Variants in TMEM17 observed in about 807,000 individuals in gnomAD.
The protein encoded by TMEM17 is transmembrane protein 17.
In TMEM17, 15 loss-of-function variants were observed where a neutral mutation model predicts 19.1. The ratio of observed to expected loss-of-function variants is 0.78; its 90% CI spans 0.52 to 1.21. The LOEUF (loss-of-function observed/expected upper bound fraction) is 1.21. Among genes scored for constraint, TMEM17 ranks in the 50% most tolerant of loss-of-function variants. TMEM17 has a pLI of 0.00. For missense variants in TMEM17, 245 were observed against 242.3 expected (o/e 1.01, Z -0.07); for synonymous variants, 103 against 86.9 (o/e 1.19, Z -1.03).
Position 62,502,720 on chromosome 2 carries a change from C to T in TMEM17, c.175G>A (p.Val59Met). 1.2e-6 allele frequency: 2 copies of T among 1,609,612 alleles called. No individual in the cohort carries two copies. Among genetic ancestry groups the T allele is most frequent in the South Asian group, 1.1e-5 (1 of 89,910 alleles). ...FNTYYFPLWWVSSIMMLHMKY... is the reference protein window; with the variant it reads ...FNTYYFPLWWMSSIMMLHMKY... ...ATGTGAAGCATCATAATGCTGCTCA[C>T]CCACCACAGTGGGAAATAGTAGGTA... is the stretch of plus-strand genomic sequence containing the variant. Residue 59 changes from valine (V) to methionine (M), a missense_variant, in exon 2 of 4, where the codon GTG becomes ATG. By Grantham distance (21) the Val-to-Met change is conservative. Coordinates refer to ENST00000335390, the MANE Select transcript of TMEM17 (RefSeq NM_198276.3).
At chr2:62,473,096 A>T in the TMEM17 span, among the ~76,000 whole-genome samples, 3 of 152,202 alleles carry the variant, frequency 2.0e-5, no homozygotes, top group South Asian at 6.2e-4. Context: ...CCTAGAGATG[A>T]TTTACTATCC....
At chr2:62,457,127 A>G in the TMEM17 span, among the ~76,000 whole-genome samples, 3 of 152,328 alleles carry the variant, frequency 2.0e-5, no homozygotes, top group East Asian at 5.8e-4. The surrounding 1 kb of genome is among the most constrained non-coding windows in gnomAD (Gnocchi z 4.2). Context: ...AGGGGCCAGC[A>G]TCCCCCGCGG....
the TMEM17 span, among the ~76,000 whole-genome samples, chr2:62,454,545 G>A: frequency 6.6e-6 from 1 of 152,040 alleles, no homozygotes; most frequent in Non-Finnish European, 1.5e-5. Flanking sequence ...CCCCAGGTGT[G>A]GTCTGTCACC....
the TMEM17 span, among the ~76,000 whole-genome samples, chr2:62,485,141 A>G: frequency 7.9e-5 from 12 of 152,184 alleles, no homozygotes; most frequent in Non-Finnish European, 8.8e-5. Context: ...GGGTTTCACC[A>G]TGTTGTGCAG....
chr2:62,463,394 A>C, the TMEM17 span: 1 of 152,230 alleles, frequency 6.6e-6, no homozygotes, highest in Non-Finnish European at 1.5e-5. Flanking sequence ...ATACAAAATC[A>C]CCATTAGACC....
chr2:62,494,998 G>A, the TMEM17 span, among the ~76,000 whole-genome samples: 1 of 152,182 alleles, frequency 6.6e-6, no homozygotes, highest in African/African-American at 2.4e-5. Flanking sequence ...CTGGGTGACA[G>A]AGCGAGACTC....
the TMEM17 span, among the ~76,000 whole-genome samples, chr2:62,471,407 T>C: frequency 1.3e-5 from 2 of 152,066 alleles, no homozygotes; most frequent in Non-Finnish European, 2.9e-5. Context: ...ACCAATCAGG[T>C]GAATTTTTTG....
At chr2:62,481,711 G>GTGTGTGTGTGTGTGTGTA in the TMEM17 span, among the ~76,000 whole-genome samples, 189 of 151,654 alleles carry the variant, frequency 1.2e-3, 1 homozygote, top group African/African-American at 4.4e-3. Flanking sequence ...GTGTGTGTGT[G>GTGTGTGTGTGTGTGTGTA]TGTGTGTGTG....
the TMEM17 span, among the ~76,000 whole-genome samples, chr2:62,474,868 C>A: frequency 6.6e-6 from 1 of 152,124 alleles, no homozygotes; most frequent in African/African-American, 2.4e-5. Flanking sequence ...TGCAAATAGG[C>A]TTTTGAAATA....
the TMEM17 span, among the ~76,000 whole-genome samples, chr2:62,492,373 C>T: frequency 6.6e-6 from 1 of 152,082 alleles, no homozygotes; most frequent in Non-Finnish European, 1.5e-5. Context: ...TGATAAAGTC[C>T]CAGCACACTG....
At chr2:62,497,350 A>T (rs1679802486), downstream of TMEM17, among the ~76,000 whole-genome samples, 1 of 152,232 alleles carries the variant, frequency 6.6e-6, no homozygotes, top group Non-Finnish European at 1.5e-5. Context: ...CTGAAAAATT[A>T]AAGACAGAAT....
the TMEM17 span, among the ~76,000 whole-genome samples, chr2:62,467,319 A>T: frequency 6.6e-6 from 1 of 151,792 alleles, no homozygotes; most frequent in South Asian, 2.1e-4. Context: ...ATTGAGACCC[A>T]CGGATCTAGT....
chr2:62,494,652 A>G, the TMEM17 span, among the ~76,000 whole-genome samples: 4 of 152,178 alleles, frequency 2.6e-5, no homozygotes, highest in African/African-American at 9.7e-5. Flanking sequence ...ATATAGTGCT[A>G]TTAGAGTTCT....
At chr2:62,482,272 T>G in the TMEM17 span, among the ~76,000 whole-genome samples, 1 of 152,238 alleles carries the variant, frequency 6.6e-6, no homozygotes, top group Non-Finnish European at 1.5e-5. Context: ...CCACATGTCC[T>G]AAACAAAATA....
the TMEM17 span, among the ~76,000 whole-genome samples, chr2:62,479,380 A>G: frequency 4.6e-5 from 7 of 152,320 alleles, no homozygotes; most frequent in East Asian, 7.7e-4. Flanking sequence ...AGTTCCATCC[A>G]TGTTGCTGTG....
the TMEM17 span, chr2:62,462,982 GA>G: frequency 1.3e-5 from 2 of 152,322 alleles, no homozygotes; most frequent in Non-Finnish European, 1.5e-5. Context: ...TGTGGGCTGG[GA>G]AAAAGGAAAG....
intron 2 of TMEM17, 43 bp downstream of exon 2, chr2:62,502,648 C>T: frequency 1.3e-6 from 2 of 1,506,230 alleles, no homozygotes; most frequent in African/African-American, 2.8e-5. Flanking sequence ...TATTGACACT[C>T]TAACAACGTC....
rs141079371 is a variant in TMEM17 at position 62,501,507 on chromosome 2, G to T, written c.319-20C>A. ...AGGAACCTGCAATGACACATATCAA[G>T]AGTAATAAAAATCAGTAAAATACAG... On this transcript the variant is annotated intron_variant, in intron 3 of 3. Coordinates refer to ENST00000335390, the MANE Select transcript of TMEM17 (RefSeq NM_198276.3). The T allele has an allele frequency of 1.9e-6, 3 of 1,593,478 alleles. No homozygotes were observed. In the African/African-American group the frequency reaches 4.1e-5, roughly 22 times the overall value.
chr2:62,492,511 C>A, the TMEM17 span, among the ~76,000 whole-genome samples: 1 of 152,204 alleles, frequency 6.6e-6, no homozygotes, highest in Non-Finnish European at 1.5e-5. Flanking sequence ...GATTCATTTT[C>A]ATGCCACAAA....
Sources: gnomAD v4.1 joint callset for allele counts (sites outside exome capture counted in the v4.1 genomes callset) on GRCh38, gnomAD v4.1.1 for gene constraint, Gnocchi (gnomAD v3.1) non-coding constraint, MANE v1.5 for transcripts, NCBI Gene and HGNC (gene_info 2026-07-23, HGNC 2026-07-21) for gene names.